Variants in FCN1 observed in about 807,000 individuals in gnomAD.
FCN1 encodes ficolin-1.
Under a neutral mutation model 35.6 loss-of-function variants are expected in FCN1, and 42 were observed. The ratio of observed to expected loss-of-function variants is 1.18; its 90% CI spans 0.92 to 1.53. The LOEUF (loss-of-function observed/expected upper bound fraction) is 1.53, where lower values mean the gene tolerates loss of function less well. FCN1 is among the 40% of genes most tolerant of loss of function. The pLI is 0.00. For synonymous variants in FCN1, 179 were observed against 169.8 expected (o/e 1.05, Z -0.42); for missense variants, 439 against 428.4 (o/e 1.02, Z -0.22).
chr9:134,913,516 G>A lies in FCN1; in HGVS notation c.340+65C>T, dbSNP rs55862654. ...TGTCCTTAGATTCCGTAGCGTGAACGTGTGCAGCTGGCCCCAGGGGTGGGG... is the reference window on the plus strand; with the variant it reads ...TGTCCTTAGATTCCGTAGCGTGAACATGTGCAGCTGGCCCCAGGGGTGGGG... On this transcript the variant is annotated intron_variant, in intron 5 of 8. Coordinates refer to ENST00000371806, the MANE Select transcript of FCN1 (RefSeq NM_002003.5). 13,112 of 1,320,674 alleles carry A rather than the reference G, an allele frequency of 9.9e-3. 854 individuals are homozygous for A. In the African/African-American group the frequency reaches 0.15, roughly 15 times the overall value. The allele number at this position is 1,320,674 out of a possible 1,614,324, so 81.8% of individuals were successfully genotyped here. A position where few individuals can be genotyped will look rare whatever the true frequency, so the allele number is the denominator to read the frequency against.
At chr9:134,916,741 T>C (rs1027705303) in intron 1 of FCN1, among the ~76,000 whole-genome samples, 1 of 152,224 alleles carries the variant, frequency 6.6e-6, no homozygotes, top group African/African-American at 2.4e-5. Context: ...CAGGATTTGG[T>C]TAAAGAATGT....
At position 134,917,800 on chromosome 9, in the gene FCN1, G is replaced by A. The variant is rs150747379; in HGVS notation, c.72C>T (p.Asn24=). 16 of 1,613,838 alleles carry A rather than the reference G, an allele frequency of 9.9e-6. No homozygotes were observed. Among genetic ancestry groups the A allele is most frequent in the African/African-American group, 5.3e-5 (4 of 74,920 alleles). ...ATGTGTCCGCAGCCTGGGCAGGCAG[G>A]TTCTTGATATGCAGGAACAAGACTA... ...VLLVLFLHIK[N]LPAQAADTCP... is the part of the protein sequence containing the mutation. Residue 24 remains asparagine (N), a synonymous_variant, in exon 1 of 9, where the codon AAC becomes AAT. Transcript: ENST00000371806.
rs1480103745 is a variant in FCN1, at chr9:134,905,167, T to G, written c.*4631A>C. ...GGAAAAGAATGAACAAGTTATAAGC[T>G]GATAGAGGAGGTGACGGGATAATAA... On this transcript the variant is annotated 3_prime_UTR_variant, in exon 9 of 9. Coordinates refer to ENST00000371806, the MANE Select transcript of FCN1 (RefSeq NM_002003.5). Among the ~76,000 whole-genome samples the G allele has an allele frequency of 2.6e-5, 4 of 152,064 alleles. No individual in the cohort carries two copies. Among genetic ancestry groups the G allele is most frequent in the African/African-American group, 9.7e-5 (4 of 41,378 alleles).
In FCN1 at chr9:134,916,855, G is replaced by C. The variant is rs149976771; in HGVS notation, c.104-394C>G. On this transcript the variant is annotated intron_variant, in intron 1 of 8. Coordinates refer to ENST00000371806, the MANE Select transcript of FCN1 (RefSeq NM_002003.5). ...CAATCAATATTTCTAAGAAACTTGG[G>C]GAATTGGGGCTGACAAAGCATTTTC... is the stretch of plus-strand genomic sequence containing the variant. 1.5e-3 allele frequency among the ~76,000 whole-genome samples: 230 copies of C among 152,322 alleles called. 2 individuals carry two copies. The South Asian group carries it at 0.016, about 11-fold the overall frequency.
intron 1 of FCN1, among the ~76,000 whole-genome samples, 193 bp from the exon 2 acceptor site, chr9:134,916,654 G>A (rs912573620): frequency 2.0e-5 from 3 of 152,244 alleles, no homozygotes; most frequent in Admixed American, 6.5e-5. Flanking sequence ...AGTGCTGTGT[G>A]TCCTGCAGCA....
chr9:134,913,483 C>G (rs920945989), intron 5 of FCN1, 98 bp downstream of exon 5: 59 of 951,544 alleles, frequency 6.2e-5, no homozygotes, highest in Admixed American at 2.4e-4. Context: ...TAGGTGCAGA[C>G]AGGGTTCTGT....
At chr9:134,911,296 C>T (rs369758633) in intron 7 of FCN1, 29 bp from the exon 8 acceptor site, 1 of 1,610,726 alleles carries the variant, frequency 6.2e-7, no homozygotes, top group Non-Finnish European at 8.5e-7. Context: ...AAGGCCCCAG[C>T]CTTTAAGATC....
chr9:134,916,498 C>A, intron 1 of FCN1, 37 bp from the exon 2 acceptor site: 1 of 1,588,862 alleles, frequency 6.3e-7, no homozygotes, highest in South Asian at 1.1e-5. Context: ...AGTGCCTGGC[C>A]CAACAGTGGC....
intron 2 of FCN1, 66 bp from the exon 3 acceptor site, chr9:134,914,875 G>T: frequency 1.5e-6 from 2 of 1,340,268 alleles, no homozygotes; most frequent in Non-Finnish European, 2.1e-6. Flanking sequence ...GGAAATCTTT[G>T]CCCCAAGTGG....
Position 134,908,978 on chromosome 9 carries a change from C to T in FCN1, c.*820G>A. 3.1e-6 allele frequency: 1 copy of T among 325,656 alleles called. No homozygotes were observed. Among genetic ancestry groups the T allele is most frequent in the East Asian group, 8.2e-5 (1 of 12,266 alleles). 20.2% of individuals were successfully genotyped at this position (325,656 alleles called of 1,614,324 possible). A position where few individuals can be genotyped will look rare whatever the true frequency, so the allele number is the denominator to read the frequency against. ...GAATGGAGTCACACTTGCCACATTC[C>T]CTTTGATGCTTCTTAGGTCGTGGTT... On this transcript the variant is annotated 3_prime_UTR_variant, in exon 9 of 9. Coordinates refer to ENST00000371806, the MANE Select transcript of FCN1 (RefSeq NM_002003.5).
Position 134,907,800 on chromosome 9 carries a change from C to T in FCN1, c.*1998G>A, listed in dbSNP as rs568206533. ...CTGTGTAATTGTCATGGCTGTATGG[C>T]GTTCTACCCAATGGCTATCCTTGCA... On this transcript the variant is annotated 3_prime_UTR_variant, in exon 9 of 9. Transcript: ENST00000371806. 2.0e-5 allele frequency: 3 copies of T among 152,320 alleles called. No individual in the cohort carries two copies. The highest frequency in any genetic ancestry group is 4.8e-5 in the African/African-American group (2 of 41,560). The allele number at this position is 152,320 out of a possible 1,614,324, so 9.4% of individuals were successfully genotyped here.
At chr9:134,914,461 G>A (rs1588153051) in intron 3 of FCN1, 41 bp from the exon 4 acceptor site, 1 of 1,584,410 alleles carries the variant, frequency 6.3e-7, no homozygotes, top group East Asian at 2.3e-5. Context: ...GACCCCAGAT[G>A]TGTGGGCCAC....
In FCN1 at chr9:134,907,609, T is replaced by C. The variant is rs1830970400; in HGVS notation, c.*2189A>G. The C allele has an allele frequency of 6.6e-6, 1 of 152,194 alleles. No homozygotes were observed. Among genetic ancestry groups the C allele is most frequent in the Non-Finnish European group, 1.5e-5 (1 of 68,038 alleles). The allele number at this position is 152,194 out of a possible 1,614,324, so 9.4% of individuals were successfully genotyped here. A position where few individuals can be genotyped will look rare whatever the true frequency, so the allele number is the denominator to read the frequency against. On this transcript the variant is annotated 3_prime_UTR_variant, in exon 9 of 9. Transcript: ENST00000371806. ...ACCCTCAAATACAATCACTTTCTTA[T>C]TTTTCCTGTATACATTTACCACCTA...
In FCN1 at chr9:134,905,865, T is replaced by TCTTCCC. The variant is rs1830945190; in HGVS notation, c.*3932_*3933insGGGAAG. ...CTCTTCCTCTTCCTCTTCCTCTTCC[T>TCTTCCC]CTTCTTCTTCTTCTTCTTCTTCTTC... On this transcript the variant is annotated 3_prime_UTR_variant, in exon 9 of 9. Transcript: ENST00000371806. The TCTTCCC allele has an allele frequency of 2.2e-5, 1 of 45,054 alleles. No individual in the cohort carries two copies. Among genetic ancestry groups the TCTTCCC allele is most frequent in the Non-Finnish European group, 3.8e-5 (1 of 26,192 alleles). The allele number at this position is 45,054 out of a possible 1,614,324, so 2.8% of individuals were successfully genotyped here.
intron 7 of FCN1, among the ~76,000 whole-genome samples, chr9:134,911,995 C>A (rs142464190): frequency 6.6e-6 from 1 of 152,306 alleles, no homozygotes; most frequent in East Asian, 1.9e-4. Context: ...GATAATGGAC[C>A]AGCAATTATA....
rs1285463807 is a variant in FCN1, at chr9:134,903,315, T to C, written c.*6483A>G. Among the ~76,000 whole-genome samples, 1 of 152,178 alleles carries C rather than the reference T, an allele frequency of 6.6e-6. No individual in the cohort carries two copies. The highest frequency in any genetic ancestry group is 1.5e-5 in the Non-Finnish European group (1 of 68,018). ...TAGACAACAGCATAAAACATATTCT[T>C]TTCAAGTTCAAATTGAACTTTCACC... On this transcript the variant is annotated 3_prime_UTR_variant, in exon 9 of 9. Coordinates refer to ENST00000371806, the MANE Select transcript of FCN1 (RefSeq NM_002003.5).
chr9:134,911,212 A>G lies in FCN1; in HGVS notation c.654T>C (p.Ala218=). The change falls in exon 8 of 9, where the codon GCT becomes GCC. Residue 218 remains alanine (A), a synonymous_variant. Coordinates refer to ENST00000371806, the MANE Select transcript of FCN1 (RefSeq NM_002003.5). ...LVDFEGNHQF[A]KYKSFKVADE... is the part of the protein sequence containing the mutation. ...CAGCCACCTTGAATGATTTGTACTTAGCAAACTGGTGGTTGCCCTCAAAGT... is the reference window on the plus strand; with the variant it reads ...CAGCCACCTTGAATGATTTGTACTTGGCAAACTGGTGGTTGCCCTCAAAGT... 6.2e-7 allele frequency: 1 copy of G among 1,614,106 alleles called. No individual in the cohort carries two copies. Among genetic ancestry groups the G allele is most frequent in the Non-Finnish European group, 8.5e-7 (1 of 1,179,974 alleles).
chr9:134,907,230 G>A lies in FCN1; in HGVS notation c.*2568C>T, dbSNP rs181697800. 1 of 152,278 alleles carries A rather than the reference G, an allele frequency of 6.6e-6. No individual in the cohort carries two copies. The highest frequency in any genetic ancestry group is 2.4e-5 in the African/African-American group (1 of 41,554). 9.4% of individuals were successfully genotyped at this position (152,278 alleles called of 1,614,324 possible). A position where few individuals can be genotyped will look rare whatever the true frequency, so the allele number is the denominator to read the frequency against. ...GAGGGACGAAAGTACTATCCCAATA[G>A]TGGATTTTGTGATGGACTAGAGATT... On this transcript the variant is annotated 3_prime_UTR_variant, in exon 9 of 9. Transcript: ENST00000371806.
Position 134,917,758 on chromosome 9 carries a change from G to A in FCN1, c.103+11C>T, listed in dbSNP as rs371385883. 119 of 1,598,434 alleles carry A rather than the reference G, an allele frequency of 7.4e-5. No individual in the cohort carries two copies. The highest frequency in any genetic ancestry group is 3.3e-4 in the Middle Eastern group (2 of 6,030). ...AGCTTTTAGGGACCAGAAAACCCAG[G>A]TCTGTCTCACCTGGACATGTGTCCG... On this transcript the variant is annotated intron_variant, in intron 1 of 8. Transcript: ENST00000371806.
Sources: allele counts gnomAD v4.1 joint callset (sites outside exome capture counted in the v4.1 genomes callset), GRCh38; gene constraint gnomAD v4.1.1; transcripts MANE v1.5; gene names NCBI Gene and HGNC (gene_info 2026-07-23, HGNC 2026-07-21).